The following KANSL2 variants were observed in gnomAD, a reference collection of about 807,000 sequenced individuals.
KANSL2 encodes the protein KAT8 regulatory NSL complex subunit 2.
KANSL2 carries 34 observed loss-of-function variants against 55.6 expected under a neutral mutation model. The ratio of observed to expected loss-of-function variants is 0.61; its 90% CI spans 0.46 to 0.81. The LOEUF is 0.81. KANSL2 is among the 40% of genes least tolerant of loss of function. KANSL2 has a pLI of 0.00. For missense variants in KANSL2, 502 were observed against 609.9 expected (o/e 0.82, Z 1.86); for synonymous variants, 209 against 214.3 (o/e 0.98, Z 0.22).
At chr12:48,658,095 G>A (rs571679649) in intron 8 of KANSL2, among the ~76,000 whole-genome samples, 1 of 152,036 alleles carries the variant, frequency 6.6e-6, no homozygotes, top group Non-Finnish European at 1.5e-5. Flanking sequence ...GCCAAGCACA[G>A]TGGGGCGCAC....
In KANSL2 at chr12:48,672,427, A is replaced by T. The variant is rs980236357; in HGVS notation, c.546-465T>A. Among the ~76,000 whole-genome samples the T allele has an allele frequency of 1.6e-3, 175 of 107,790 alleles. 2 individuals carry two copies. The highest frequency in any genetic ancestry group is 4.9e-3 in the Middle Eastern group (1 of 206). 70.7% of individuals were successfully genotyped at this position (107,790 alleles called of 152,430 possible). ...TATATACGTATATATATATATATAT[A>T]TATATATTTTTTTTTTGAGATAAGG... On this transcript the variant is annotated intron_variant, in intron 4 of 9. Coordinates refer to ENST00000420613, the MANE Select transcript of KANSL2 (RefSeq NM_017822.4).
chr12:48,657,106 G>A (rs1270599639), intron 8 of KANSL2, among the ~76,000 whole-genome samples: 2 of 152,124 alleles, frequency 1.3e-5, no homozygotes, highest in African/African-American at 4.8e-5. Flanking sequence ...GCTCAGGCCG[G>A]GTGCAGTGGC....
chr12:48,673,427 G>A (rs1018725126), intron 4 of KANSL2, among the ~76,000 whole-genome samples: 2 of 151,974 alleles, frequency 1.3e-5, no homozygotes. Context: ...AGGTATGGTG[G>A]TGGGCGCCTA....
intron 7 of KANSL2, among the ~76,000 whole-genome samples, chr12:48,665,725 CTCAAAAAAGTT>C (rs1939585349): frequency 6.6e-6 from 1 of 152,194 alleles, no homozygotes; most frequent in South Asian, 2.1e-4. Flanking sequence ...CAATCAACAA[CTCAAAAAAGTT>C]TGAAGGCCCA....
At position 48,667,710 on chromosome 12, in the gene KANSL2, G is replaced by T. The variant is rs753092236; in HGVS notation, c.956C>A (p.Thr319Asn). 1.2e-6 allele frequency: 2 copies of T among 1,613,172 alleles called. No individual in the cohort carries two copies. Reference sequence around the variant, plus strand: ...AAAGATACGGGTAAGGCAGTGTCTGGTCATTGGAAGAGACTGATTGGAACA... The same window carrying T: ...AAAGATACGGGTAAGGCAGTGTCTGTTCATTGGAAGAGACTGATTGGAACA... Reference protein sequence around the residue: ...VRCSNQSLPMTRHCLTHICQD... With the variant: ...VRCSNQSLPMNRHCLTHICQD... Residue 319 changes from threonine to asparagine, a missense_variant, in exon 7 of 10, where the codon ACC becomes AAC. Thr to Asn is a moderately conservative substitution (Grantham distance 65, BLOSUM62 0). Transcript: ENST00000420613.
chr12:48,666,854 AAC>A, intron 7 of KANSL2, among the ~76,000 whole-genome samples: 1 of 151,332 alleles, frequency 6.6e-6, no homozygotes, highest in East Asian at 1.9e-4. Flanking sequence ...CAGCCTGGAT[AAC>A]AGTGTGAGAC....
At chr12:48,658,930 C>T (rs1363027503) in intron 8 of KANSL2, among the ~76,000 whole-genome samples, 2 of 152,172 alleles carry the variant, frequency 1.3e-5, no homozygotes, top group Non-Finnish European at 2.9e-5. Context: ...CCAGAATGAA[C>T]GGCTGTGTTT....
At chr12:48,666,368 A>T (rs1017341180) in intron 7 of KANSL2, among the ~76,000 whole-genome samples, 2 of 151,982 alleles carry the variant, frequency 1.3e-5, no homozygotes, top group African/African-American at 4.8e-5. Context: ...CCTGGGCAAC[A>T]TATTGAAAAT....
At chr12:48,659,330 T>C (rs530586914) in intron 8 of KANSL2, among the ~76,000 whole-genome samples, 37 of 147,816 alleles carry the variant, frequency 2.5e-4, no homozygotes, top group African/African-American at 9.0e-4. Flanking sequence ...CCAGGCACAG[T>C]GGTTCACACT....
chr12:48,681,637 A>G lies in KANSL2; in HGVS notation c.-5T>C, dbSNP rs1052650231. On this transcript the variant is annotated 5_prime_UTR_variant, in exon 2 of 10. Transcript: ENST00000420613. ...GTGAATCCGAATCCTGTTCATAACC[A>G]AAACCTGCGGGGTCAAACGAAAGAC... 8.7e-6 allele frequency: 14 copies of G among 1,613,892 alleles called. No homozygotes were observed. Among genetic ancestry groups the G allele is most frequent in the African/African-American group, 2.7e-5 (2 of 74,926 alleles).
chr12:48,655,306 C>T (rs1198722340), intron 8 of KANSL2, among the ~76,000 whole-genome samples: 1 of 152,152 alleles, frequency 6.6e-6, no homozygotes, highest in Admixed American at 6.6e-5. Context: ...CTGGCCACCA[C>T]ACCTCTAATC....
intron 7 of KANSL2, chr12:48,662,698 T>G: frequency 7.9e-7 from 1 of 1,262,226 alleles, no homozygotes; most frequent in Non-Finnish European, 1.0e-6. Context: ...TAGGCAACTA[T>G]GGAGTGGAAA....
chr12:48,661,249 G>A (rs1253733257), intron 7 of KANSL2: 6 of 967,538 alleles, frequency 6.2e-6, no homozygotes, highest in Non-Finnish European at 7.4e-6. Context: ...TGATCCTAAA[G>A]GAAGAAGAAA....
intron 3 of KANSL2, 110 bp from the exon 4 acceptor site, chr12:48,679,260 CAAAA>C (rs368603509): frequency 2.4e-6 from 1 of 411,646 alleles, no homozygotes; most frequent in Non-Finnish European, 4.1e-6. Context: ...AAAAACAAAA[CAAAA>C]AAAAAAACAC....
At chr12:48,668,552 A>G (rs975351371) in intron 6 of KANSL2, among the ~76,000 whole-genome samples, 8 of 152,290 alleles carry the variant, frequency 5.3e-5, no homozygotes, top group African/African-American at 1.9e-4. Flanking sequence ...ATACAAAATC[A>G]GCCAGACATG....
At chr12:48,669,611 A>AG (rs2137192443) in intron 5 of KANSL2, among the ~76,000 whole-genome samples, 1 of 150,908 alleles carries the variant, frequency 6.6e-6, no homozygotes, top group South Asian at 2.1e-4. Context: ...TCCGCCCCCC[A>AG]GGTTCACGCC....
In KANSL2 at chr12:48,681,898, G is replaced by A. The variant is rs541382444; in HGVS notation, c.-9-257C>T. On this transcript the variant is annotated intron_variant, in intron 1 of 9. Transcript: ENST00000420613. ...TTCAGGACTCGCACAGCTGCAGCAC[G>A]AAGGGAAGCGACAACACCAGCCCCA... The A allele has an allele frequency of 1.8e-4, 126 of 703,738 alleles. 1 individual carries two copies. The highest frequency in any genetic ancestry group is 1.4e-3 in the South Asian group (93 of 67,610). The allele number at this position is 703,738 out of a possible 1,614,324, so 43.6% of individuals were successfully genotyped here. A position where few individuals can be genotyped will look rare whatever the true frequency, so the allele number is the denominator to read the frequency against.
intron 2 of KANSL2, among the ~76,000 whole-genome samples, chr12:48,680,705 G>T (rs1421153778): frequency 6.6e-6 from 1 of 152,042 alleles, no homozygotes; most frequent in African/African-American, 2.4e-5. Context: ...GGCCAGGTGC[G>T]GTGGCTCACT....
At chr12:48,665,984 G>C (rs770963873) in intron 7 of KANSL2, among the ~76,000 whole-genome samples, 1 of 151,974 alleles carries the variant, frequency 6.6e-6, no homozygotes, top group Non-Finnish European at 1.5e-5. Flanking sequence ...AGGCTGAGGC[G>C]GGAGGATCAC....
Sources: allele counts gnomAD v4.1 joint callset (sites outside exome capture counted in the v4.1 genomes callset), GRCh38; gene constraint gnomAD v4.1.1; transcripts MANE v1.5; gene names NCBI Gene and HGNC (gene_info 2026-07-23, HGNC 2026-07-21).